Variants in GBGT1 observed in about 807,000 individuals in gnomAD.
The protein encoded by GBGT1 is globoside alpha-1,3-N-acetylgalactosaminyltransferase 1.
In GBGT1, 18 loss-of-function variants were observed where a neutral mutation model predicts 20.9. The ratio of observed to expected loss-of-function variants is 0.86; its 90% CI spans 0.60 to 1.28. The LOEUF is 1.28. GBGT1 is among the 50% of genes most tolerant of loss of function. GBGT1 has a pLI of 0.00. For synonymous variants in GBGT1, 168 were observed against 180.8 expected, an observed-to-expected ratio of 0.93 and a Z score of 0.57; for missense variants, 432 against 455.7, an observed-to-expected ratio of 0.95 and a Z score of 0.47.
In GBGT1 at chr9:133,153,650, T is replaced by C. The variant is rs1382722656; in HGVS notation, c.971A>G (p.Lys324Arg). 6.2e-7 allele frequency: 1 copy of C among 1,609,246 alleles called. No homozygotes were observed. Among genetic ancestry groups the C allele is most frequent in the East Asian group, 2.2e-5 (1 of 44,782 alleles). The change falls in exon 7 of 7, where the codon AAG (lysine) becomes AGG (arginine). Residue 324 changes from lysine (K) to arginine (R), a missense_variant. Physicochemically the swap from Lys to Arg is conservative, Grantham distance 26 (BLOSUM62 2). Coordinates refer to ENST00000372040, the MANE Select transcript of GBGT1 (RefSeq NM_021996.6). Reference protein sequence around the residue: ...LSPEYLWDDRKPQPPSLKLIR... With the variant: ...LSPEYLWDDRRPQPPSLKLIR... ...CAGCTTCAGGCTGGGTGGCTGGGGC[T>C]TCCTGTCGTCCCAGAGGTACTCGGG...
intron 3 of GBGT1, chr9:133,160,986 G>T (rs1414710827): frequency 2.8e-5 from 10 of 355,202 alleles, no homozygotes; most frequent in Non-Finnish European, 5.0e-5. Flanking sequence ...CTCCAGCCAG[G>T]GCGACAGAGT....
rs565870094 is a variant in GBGT1, at chr9:133,161,348, A to G, written c.137+119T>C. The G allele has an allele frequency of 1.6e-3, 953 of 607,474 alleles. 1 individual carries two copies. Among genetic ancestry groups the G allele is most frequent in the Non-Finnish European group, 2.5e-3 (839 of 341,668 alleles). The allele number at this position is 607,474 out of a possible 1,614,324, so 37.6% of individuals were successfully genotyped here. On this transcript the variant is annotated intron_variant, in intron 3 of 6. Transcript: ENST00000372040. ...TTACATAAATACTATTGCATTTATCAGAAACATGAACTTAGGAATCAGGAA... is the reference window on the plus strand; with the variant it reads ...TTACATAAATACTATTGCATTTATCGGAAACATGAACTTAGGAATCAGGAA...
At chr9:133,158,814 C>T (rs1250057401) in intron 3 of GBGT1, among the ~76,000 whole-genome samples, 7 of 152,184 alleles carry the variant, frequency 4.6e-5, no homozygotes, top group Non-Finnish European at 1.0e-4. Context: ...GAAGCTCGGT[C>T]CTCATTAAAC....
chr9:133,157,849 A>G (rs543421973), intron 3 of GBGT1, among the ~76,000 whole-genome samples: 149 of 152,316 alleles, frequency 9.8e-4, no homozygotes, highest in African/African-American at 3.0e-3. Context: ...AGCGAGGTGC[A>G]GAGAAGGGAA....
intron 5 of GBGT1, among the ~76,000 whole-genome samples, chr9:133,155,579 C>T (rs538956746): frequency 6.6e-6 from 1 of 152,322 alleles, no homozygotes; most frequent in East Asian, 1.9e-4. Flanking sequence ...AGGGCAAGAC[C>T]ACGTTGTTAT....
chr9:133,157,184 T>TGAAGCA (rs1832895847), intron 3 of GBGT1, among the ~76,000 whole-genome samples: 1 of 150,392 alleles, frequency 6.6e-6, no homozygotes, highest in African/African-American at 2.5e-5. Flanking sequence ...CTTGGGAGGC[T>TGAAGCA]GAAGCAGGAG....
Position 133,161,549 on chromosome 9 carries a change from GA to G in GBGT1, c.72-18del, listed in dbSNP as rs1833044358. On this transcript the variant is annotated intron_variant, in intron 2 of 6. Transcript: ENST00000372040. Reference sequence around the variant, plus strand: ...AGATACACCCTGTGAATAAAAAAAAGAAAAAAAATCTGTTGATCCACTCTGC... The same window carrying G: ...AGATACACCCTGTGAATAAAAAAAAGAAAAAAATCTGTTGATCCACTCTGC... 25 of 1,571,088 alleles carry G rather than the reference GA, an allele frequency of 1.6e-5. No homozygotes were observed. The highest frequency in any genetic ancestry group is 2.1e-5 in the Non-Finnish European group (24 of 1,154,038).
chr9:133,160,081 G>T, intron 3 of GBGT1: 1 of 222,442 alleles, frequency 4.5e-6, no homozygotes, highest in South Asian at 4.4e-5. Context: ...CCTGGCCGAA[G>T]GGGGCAAAGA....
At chr9:133,160,482 T>G (rs1021977085) in intron 3 of GBGT1, among the ~76,000 whole-genome samples, 6 of 152,086 alleles carry the variant, frequency 3.9e-5, no homozygotes, top group Admixed American at 3.9e-4. Flanking sequence ...TGATGTGCTG[T>G]GGTCCTTCTG....
intron 3 of GBGT1, among the ~76,000 whole-genome samples, chr9:133,157,578 AG>A (rs1162240261): frequency 9.9e-5 from 15 of 152,274 alleles, no homozygotes; most frequent in African/African-American, 3.4e-4. Context: ...GCAAGTGCTC[AG>A]TAAGGTGAGG....
At chr9:133,161,416 C>A in intron 3 of GBGT1, 51 bp downstream of exon 3, 1 of 1,179,818 alleles carries the variant, frequency 8.5e-7, no homozygotes. Flanking sequence ...GTCTCCCCAA[C>A]TGTGAGCAGC....
intron 3 of GBGT1, chr9:133,160,942 G>A (rs1027195006): frequency 1.0e-5 from 3 of 294,554 alleles, no homozygotes; most frequent in Non-Finnish European, 1.2e-5. Flanking sequence ...CTGGGGAGGT[G>A]GAGGTTGCTG....
At chr9:133,162,563 TAG>T (rs959773995) in intron 1 of GBGT1, 31 bp from the exon 2 acceptor site, 4 of 666,466 alleles carry the variant, frequency 6.0e-6, no homozygotes, top group African/African-American at 1.8e-5. Context: ...TGTTTTGAGA[TAG>T]AGTTTCACTC....
At chr9:133,158,788 T>C (rs1468229048) in intron 3 of GBGT1, among the ~76,000 whole-genome samples, 1 of 152,132 alleles carries the variant, frequency 6.6e-6, no homozygotes, top group Non-Finnish European at 1.5e-5. Context: ...CCAGAACTTT[T>C]TCATCATCCC....
At chr9:133,156,137 G>T in intron 3 of GBGT1, 72 bp from the exon 4 acceptor site, 1 of 1,559,292 alleles carries the variant, frequency 6.4e-7, no homozygotes, top group Non-Finnish European at 8.8e-7. Flanking sequence ...GGAAGAAGGA[G>T]GAGTCAGAGG....
At chr9:133,157,086 C>A (rs1832892660) in intron 3 of GBGT1, among the ~76,000 whole-genome samples, 1 of 152,104 alleles carries the variant, frequency 6.6e-6, no homozygotes, top group Non-Finnish European at 1.5e-5. Flanking sequence ...TAGTTCAAGA[C>A]CAGCCTGGGC....
chr9:133,162,402 C>T lies in GBGT1; in HGVS notation c.11G>A (p.Arg4Gln), dbSNP rs778698739. 2.3e-5 allele frequency: 37 copies of T among 1,607,388 alleles called. No homozygotes were observed. Among genetic ancestry groups the T allele is most frequent in the Middle Eastern group, 1.7e-4 (1 of 6,046 alleles). Reference sequence around the variant, plus strand: ...GAACCCCAGACCCAGGGCCAGTCTCCGGCGATGCATTGCTGGGGGCTGCAC... The same window carrying T: ...GAACCCCAGACCCAGGGCCAGTCTCTGGCGATGCATTGCTGGGGGCTGCAC... Reference protein sequence around the residue: MHRRRLALGLGFCL... With the variant: MHRQRLALGLGFCL... The change falls in exon 2 of 7, where the codon CGG (arginine) becomes CAG (glutamine). Residue 4 changes from arginine to glutamine, a missense_variant. Coordinates refer to ENST00000372040, the MANE Select transcript of GBGT1 (RefSeq NM_021996.6).
chr9:133,153,415 G>A lies in GBGT1; in HGVS notation c.*162C>T. On this transcript the variant is annotated 3_prime_UTR_variant, in exon 7 of 7. Coordinates refer to ENST00000372040, the MANE Select transcript of GBGT1 (RefSeq NM_021996.6). ...ACTGTGAGATCCTGTGTGCTACTGT[G>A]TGCACAGCCCTCTGCAGTTCACAGT... 1.9e-6 allele frequency: 1 copy of A among 521,566 alleles called. No individual in the cohort carries two copies. The highest frequency in any genetic ancestry group is 3.4e-6 in the Non-Finnish European group (1 of 297,652). 32.3% of individuals were successfully genotyped at this position (521,566 alleles called of 1,614,324 possible). A position where few individuals can be genotyped will look rare whatever the true frequency, so the allele number is the denominator to read the frequency against.
chr9:133,159,045 T>C (rs34207499), intron 3 of GBGT1, among the ~76,000 whole-genome samples: 4,058 of 152,162 alleles, frequency 0.027, 121 homozygotes, highest in African/African-American at 0.078. Context: ...ACTGTAACCT[T>C]AGCCTCCTGG....
Sources: allele counts gnomAD v4.1 joint callset (sites outside exome capture counted in the v4.1 genomes callset), GRCh38; gene constraint gnomAD v4.1.1; transcripts MANE v1.5; gene names NCBI Gene and HGNC (gene_info 2026-07-23, HGNC 2026-07-21).